Variants in AGBL1 observed in about 807,000 individuals in gnomAD.
The protein encoded by AGBL1 is cytosolic carboxypeptidase 4.
In AGBL1, 130 loss-of-function variants were observed where a neutral mutation model predicts 118.9. That is an observed-to-expected ratio of 1.09 (90% CI 0.95 to 1.26). The LOEUF (loss-of-function observed/expected upper bound fraction) is 1.26. Among genes scored for constraint, AGBL1 ranks in the 50% most tolerant of loss-of-function variants. AGBL1 has a pLI of 0.00. For synonymous variants in AGBL1, 555 were observed against 478.9 expected (o/e 1.16, Z -2.08); for missense variants, 1,584 against 1,298.1 (o/e 1.22, Z -3.38).
At chr15:86,590,653 A>G (rs1234638760) in intron 21 of AGBL1, among the ~76,000 whole-genome samples, 2 of 152,186 alleles carry the variant, frequency 1.3e-5, no homozygotes, top group African/African-American at 4.8e-5. Flanking sequence ...CCTCAGAGAC[A>G]ATAGATAGTA....
chr15:86,102,989 T>C (rs890625636), intron 1 of AGBL1, among the ~76,000 whole-genome samples: 1 of 152,204 alleles, frequency 6.6e-6, no homozygotes, highest in Non-Finnish European at 1.5e-5. Flanking sequence ...ATATGTCATG[T>C]AGGGTTTGTT....
chr15:86,273,106 A>G (rs1487689192), intron 15 of AGBL1, among the ~76,000 whole-genome samples: 3 of 152,198 alleles, frequency 2.0e-5, no homozygotes, highest in Admixed American at 6.5e-5. Context: ...AAAGTTAGTA[A>G]CAGATTGGAC....
At chr15:86,693,380 G>C (rs1036702078) in intron 22 of AGBL1, among the ~76,000 whole-genome samples, 8 of 151,838 alleles carry the variant, frequency 5.3e-5, no homozygotes, top group African/African-American at 1.9e-4. Context: ...TCATATGTTT[G>C]TTGGCAATTT....
intron 17 of AGBL1, among the ~76,000 whole-genome samples, chr15:86,382,486 C>T (rs970293513): frequency 2.0e-5 from 3 of 151,996 alleles, no homozygotes; most frequent in Non-Finnish European, 2.9e-5. Context: ...TTCTTGTTGC[C>T]CAGTCATCTG....
At chr15:86,603,672 G>GC (rs1312066537) in intron 21 of AGBL1, among the ~76,000 whole-genome samples, 1 of 151,892 alleles carries the variant, frequency 6.6e-6, no homozygotes, top group Non-Finnish European at 1.5e-5. Context: ...CTCTCTTCCC[G>GC]CCCCCTCCAT....
chr15:86,685,990 G>A (rs1039129523), intron 22 of AGBL1, among the ~76,000 whole-genome samples: 25 of 152,046 alleles, frequency 1.6e-4, no homozygotes, highest in African/African-American at 6.0e-4. Context: ...AAGTCCCAAT[G>A]ATCTAAACTT....
chr15:86,733,652 GTA>G (rs2077556925), intron 22 of AGBL1, among the ~76,000 whole-genome samples: 1 of 152,138 alleles, frequency 6.6e-6, no homozygotes, highest in Non-Finnish European at 1.5e-5. Flanking sequence ...TGTTTACTAT[GTA>G]GAAGTCATGG....
chr15:86,509,142 G>A (rs7164505), intron 18 of AGBL1, among the ~76,000 whole-genome samples: 66,395 of 151,992 alleles, frequency 0.44, 15,599 homozygotes, highest in East Asian at 0.69. Context: ...CCGGTGACAC[G>A]CACATACACT....
intron 22 of AGBL1, among the ~76,000 whole-genome samples, chr15:86,780,646 T>C (rs1294223910): frequency 6.8e-6 from 1 of 147,270 alleles, no homozygotes; most frequent in Admixed American, 7.2e-5. Flanking sequence ...TAATTGGGTC[T>C]TCTTTAACTT....
chr15:86,840,547 G>A (rs1003827114), intron 22 of AGBL1, among the ~76,000 whole-genome samples: 1 of 152,120 alleles, frequency 6.6e-6, no homozygotes, highest in Non-Finnish European at 1.5e-5. Flanking sequence ...CGTGGTTCAA[G>A]CGATTTCTCC....
At chr15:87,012,103 A>G (rs2081566024) in intron 24 of AGBL1, among the ~76,000 whole-genome samples, 1 of 152,026 alleles carries the variant, frequency 6.6e-6, no homozygotes, top group South Asian at 2.1e-4. Flanking sequence ...AATGCTGAGA[A>G]GGAGAATAGG....
rs547035271 is a variant in AGBL1, at chr15:86,655,298, G to A, written c.2995-18975G>A. Among the ~76,000 whole-genome samples the A allele has an allele frequency of 1.7e-4, 26 of 152,260 alleles. No individual in the cohort carries two copies. In the South Asian group the frequency reaches 3.1e-3, roughly 18 times the overall value. On this transcript the variant is annotated intron_variant, in intron 21 of 22. Coordinates refer to ENST00000614907, the MANE Select transcript of AGBL1 (RefSeq NM_001386094.1). ...CCCATTGTTCCCCAACAATTGAAGCGCAGCTGAATACACAATAGGAAAATA... is the reference window on the plus strand; with the variant it reads ...CCCATTGTTCCCCAACAATTGAAGCACAGCTGAATACACAATAGGAAAATA...
chr15:86,392,502 A>G lies in AGBL1; in HGVS notation c.2375-4864A>G, dbSNP rs562119427. Among the ~76,000 whole-genome samples the G allele has an allele frequency of 2.0e-5, 3 of 152,244 alleles. No homozygotes were observed. In the South Asian group the frequency reaches 6.2e-4, roughly 32 times the overall value. On this transcript the variant is annotated intron_variant, in intron 17 of 22. Transcript: ENST00000614907. ...GTTATTAGTTTCCTGAGAGCAAAAAACCATTATTTATCTTGTAATCTACAG... is the reference window on the plus strand; with the variant it reads ...GTTATTAGTTTCCTGAGAGCAAAAAGCCATTATTTATCTTGTAATCTACAG...
At chr15:86,550,081 A>G (rs976004763) in intron 20 of AGBL1, among the ~76,000 whole-genome samples, 4 of 152,150 alleles carry the variant, frequency 2.6e-5, no homozygotes, top group African/African-American at 9.7e-5. Context: ...AGATTAAAGA[A>G]AAGTAAACAG....
At chr15:86,869,570 A>G (rs2079688950) in intron 22 of AGBL1, among the ~76,000 whole-genome samples, 1 of 150,610 alleles carries the variant, frequency 6.6e-6, no homozygotes, top group Non-Finnish European at 1.5e-5. Context: ...TAGGATGTCT[A>G]TTTAGACCCT....
At chr15:86,744,160 C>A (rs1344173875) in intron 22 of AGBL1, among the ~76,000 whole-genome samples, 1 of 152,068 alleles carries the variant, frequency 6.6e-6, no homozygotes, top group Non-Finnish European at 1.5e-5. Context: ...TTTCCAATGA[C>A]TAACGGTTTC....
In AGBL1 at chr15:86,674,361, G is replaced by C. The variant is rs368121011; in HGVS notation, c.3083G>C (p.Cys1028Ser). ...LLILELKSAS[C>S]SHQLLAQAAT... is the part of the protein sequence containing the mutation. ...ATCCTGGAGCTCAAATCTGCCAGCT[G>C]CAGCCATCAGCTCCTGGCTCAAGCT... The change falls in exon 22 of 23, where the codon TGC becomes TCC. Residue 1028 changes from cysteine to serine, a missense_variant. Physicochemically the swap from Cys to Ser is moderately radical, Grantham distance 112. Coordinates refer to ENST00000614907, the MANE Select transcript of AGBL1 (RefSeq NM_001386094.1). The C allele has an allele frequency of 1.5e-5, 24 of 1,612,848 alleles. No individual in the cohort carries two copies. The African/African-American group carries it at 2.9e-4, about 20-fold the overall frequency.
chr15:86,543,215 T>C (rs77168098), intron 19 of AGBL1, among the ~76,000 whole-genome samples: 1 of 148,726 alleles, frequency 6.7e-6, no homozygotes, highest in Non-Finnish European at 1.5e-5. Context: ...GTTTACAATA[T>C]CTATCTTTAA....
At chr15:86,962,934 G>C (rs1312796388) in intron 23 of AGBL1, among the ~76,000 whole-genome samples, 1 of 152,068 alleles carries the variant, frequency 6.6e-6, no homozygotes, top group Non-Finnish European at 1.5e-5. Flanking sequence ...ACACATTTCT[G>C]CATGTAAATT....
Sources: allele counts gnomAD v4.1 joint callset (sites outside exome capture counted in the v4.1 genomes callset), GRCh38; gene constraint gnomAD v4.1.1; transcripts MANE v1.5; gene names NCBI Gene and HGNC (gene_info 2026-07-23, HGNC 2026-07-21).